The following SRBD1 variants were observed in gnomAD, a reference collection of about 807,000 sequenced individuals.
The protein encoded by SRBD1 is S1 RNA-binding domain-containing protein 1.
In SRBD1, 88 loss-of-function variants were observed where a neutral mutation model predicts 115.3. That is an observed-to-expected ratio of 0.76 (90% CI 0.64 to 0.91). The LOEUF (loss-of-function observed/expected upper bound fraction) is 0.91. Among genes scored for constraint, SRBD1 ranks in the 40% least tolerant of loss-of-function variants. The pLI is 0.00. For synonymous variants in SRBD1, 509 were observed against 407.7 expected, an observed-to-expected ratio of 1.25 and a Z score of -2.99; for missense variants, 1,385 against 1,177.4, an observed-to-expected ratio of 1.18 and a Z score of -2.58.
chr2:45,454,622 C>T (rs2103753445), intron 16 of SRBD1, among the ~76,000 whole-genome samples: 1 of 151,930 alleles, frequency 6.6e-6, no homozygotes, highest in African/African-American at 2.4e-5. Context: ...ATTATGATTA[C>T]TTACACTCTG....
At chr2:45,514,980 T>C (rs1048582846) in intron 14 of SRBD1, among the ~76,000 whole-genome samples, 3 of 152,184 alleles carry the variant, frequency 2.0e-5, no homozygotes, top group Non-Finnish European at 4.4e-5. Context: ...TTTTAATCAC[T>C]GGATGTCACT....
At chr2:45,482,385 G>A (rs1157087212) in intron 15 of SRBD1, among the ~76,000 whole-genome samples, 2 of 152,020 alleles carry the variant, frequency 1.3e-5, no homozygotes, top group Non-Finnish European at 2.9e-5. Context: ...AATTAGTTGG[G>A]TAGTTTCAAG....
chr2:45,606,540 T>G (rs1674280743), intron 1 of SRBD1, among the ~76,000 whole-genome samples: 1 of 152,142 alleles, frequency 6.6e-6, no homozygotes, highest in African/African-American at 2.4e-5. Flanking sequence ...ATTGACTGAG[T>G]AAGCAGCCAG....
At chr2:45,610,829 G>C (rs943344735) in intron 1 of SRBD1, among the ~76,000 whole-genome samples, 10 of 152,106 alleles carry the variant, frequency 6.6e-5, no homozygotes, top group Non-Finnish European at 1.5e-4. Flanking sequence ...TCGGGAGGCT[G>C]AGGCAGGCGA....
chr2:45,527,289 C>T (rs1259508545), intron 14 of SRBD1, among the ~76,000 whole-genome samples: 1 of 151,856 alleles, frequency 6.6e-6, no homozygotes, highest in Non-Finnish European at 1.5e-5. Flanking sequence ...ATGATTCTTC[C>T]TACCCCAGTC....
chr2:45,595,269 G>C (rs537212504), intron 4 of SRBD1, among the ~76,000 whole-genome samples: 1 of 152,068 alleles, frequency 6.6e-6, no homozygotes, highest in African/African-American at 2.4e-5. Context: ...CACCTTGAAC[G>C]GAAAAAAACA....
intron 16 of SRBD1, among the ~76,000 whole-genome samples, chr2:45,449,434 TATTTA>T (rs1668925738): frequency 6.6e-6 from 1 of 152,202 alleles, no homozygotes; most frequent in South Asian, 2.1e-4. Context: ...TTTAAACACT[TATTTA>T]AAAGTAATTT....
chr2:45,436,481 C>A (rs964785048), intron 16 of SRBD1, among the ~76,000 whole-genome samples: 1 of 152,138 alleles, frequency 6.6e-6, no homozygotes, highest in South Asian at 2.1e-4. Context: ...TAAAGAACTT[C>A]CTATGACTGG....
intron 4 of SRBD1, among the ~76,000 whole-genome samples, chr2:45,587,486 C>T (rs563597480): frequency 1.2e-4 from 18 of 152,018 alleles, no homozygotes; most frequent in Non-Finnish European, 2.2e-4. Context: ...AAAAGGAGTA[C>T]GTTTTATTAT....
At chr2:45,516,945 T>C (rs1386206004) in intron 14 of SRBD1, among the ~76,000 whole-genome samples, 1 of 152,198 alleles carries the variant, frequency 6.6e-6, no homozygotes, top group Admixed American at 6.5e-5. Context: ...AGTAAATAAA[T>C]ACCCAAACAT....
chr2:45,435,838 G>T (rs1339533551), intron 16 of SRBD1, among the ~76,000 whole-genome samples: 2 of 152,110 alleles, frequency 1.3e-5, no homozygotes, highest in Non-Finnish European at 2.9e-5. Context: ...AACATTTAAG[G>T]AAGAAATTAT....
intron 14 of SRBD1, among the ~76,000 whole-genome samples, chr2:45,492,469 C>G (rs998365813): frequency 1.3e-5 from 2 of 152,094 alleles, no homozygotes; most frequent in Non-Finnish European, 2.9e-5. Flanking sequence ...GACAGAGTCT[C>G]GTTCTGTCGC....
At chr2:45,589,215 G>A (rs1023235143) in intron 4 of SRBD1, among the ~76,000 whole-genome samples, 54 of 152,188 alleles carry the variant, frequency 3.5e-4, no homozygotes, top group African/African-American at 1.3e-3. Context: ...ATGACTCTTA[G>A]CTACCTACAG....
At chr2:45,449,814 G>C (rs1307591688) in intron 16 of SRBD1, among the ~76,000 whole-genome samples, 1 of 152,116 alleles carries the variant, frequency 6.6e-6, no homozygotes, top group African/African-American at 2.4e-5. Flanking sequence ...CAGTTAACAC[G>C]AACTAGAGTC....
chr2:45,550,997 CTGTA>C (rs768878864), intron 12 of SRBD1, 124 bp downstream of exon 12: 11 of 1,065,854 alleles, frequency 1.0e-5, no homozygotes, highest in African/African-American at 1.6e-5. Flanking sequence ...CCCAACACCC[CTGTA>C]TGTGAGAAAA....
intron 9 of SRBD1, among the ~76,000 whole-genome samples, chr2:45,572,947 C>A (rs995056325): frequency 1.3e-5 from 2 of 152,094 alleles, no homozygotes; most frequent in Non-Finnish European, 2.9e-5. Flanking sequence ...ACAAAAAGAT[C>A]ACCAGCCAAA....
chr2:45,458,267 G>A (rs1318732102), intron 16 of SRBD1, among the ~76,000 whole-genome samples: 1 of 152,048 alleles, frequency 6.6e-6, no homozygotes, highest in Non-Finnish European at 1.5e-5. Flanking sequence ...ACCTGAGCGT[G>A]ATTAGAAAAC....
At chr2:45,488,966 T>TA (rs1015625935) in intron 14 of SRBD1, among the ~76,000 whole-genome samples, 2 of 152,226 alleles carry the variant, frequency 1.3e-5, no homozygotes, top group African/African-American at 4.8e-5. Context: ...AGGCAGGTGT[T>TA]AATTCCTTTC....
chr2:45,578,918 A>T (rs980957749), intron 7 of SRBD1, among the ~76,000 whole-genome samples: 6 of 152,368 alleles, frequency 3.9e-5, no homozygotes, highest in African/African-American at 1.2e-4. Flanking sequence ...TGTATAGAAT[A>T]GTTTGACTAT....
Sources: allele counts gnomAD v4.1 joint callset (sites outside exome capture counted in the v4.1 genomes callset), GRCh38; gene constraint gnomAD v4.1.1; transcripts MANE v1.5; gene names NCBI Gene and HGNC (gene_info 2026-07-23, HGNC 2026-07-21).